The following GRID2 variants were observed in gnomAD, a reference collection of about 807,000 sequenced individuals.
GRID2 encodes glutamate receptor ionotropic, delta-2.
In GRID2, 33 loss-of-function variants were observed where a neutral mutation model predicts 114.8. The observed-to-expected ratio is 0.29, with a 90% confidence interval of 0.22 to 0.38. The LOEUF (loss-of-function observed/expected upper bound fraction) is 0.38, where lower values mean the gene tolerates loss of function less well. GRID2 is among the 10% of genes least tolerant of loss of function. The pLI is 1.00. For synonymous variants in GRID2, 505 were observed against 449.9 expected (o/e 1.12, Z -1.55); for missense variants, 1,184 against 1,257.7 (o/e 0.94, Z 0.89).
At chr4:92,712,661 C>T (rs1270434606) in intron 2 of GRID2, among the ~76,000 whole-genome samples, 1 of 151,878 alleles carries the variant, frequency 6.6e-6, no homozygotes, top group East Asian at 1.9e-4. Context: ...ACAGAATTTG[C>T]TAATATTGCT....
intron 2 of GRID2, among the ~76,000 whole-genome samples, chr4:92,735,761 T>C (rs1265903175): frequency 6.6e-6 from 1 of 152,072 alleles, no homozygotes; most frequent in Non-Finnish European, 1.5e-5. Context: ...TTTTATATCA[T>C]AAGATCTCTT....
intron 4 of GRID2, among the ~76,000 whole-genome samples, chr4:93,154,481 T>C (rs924869887): frequency 4.6e-5 from 7 of 152,058 alleles, no homozygotes; most frequent in African/African-American, 1.7e-4. Context: ...GTTAAATATT[T>C]TGAATACCAC....
intron 10 of GRID2, among the ~76,000 whole-genome samples, chr4:93,454,715 A>G (rs1417190103): frequency 6.6e-6 from 1 of 152,126 alleles, no homozygotes; most frequent in African/African-American, 2.4e-5. Context: ...CCCAAAAGCT[A>G]TAAACACAAG....
At chr4:93,486,960 T>TA (rs1365169452) in intron 11 of GRID2, among the ~76,000 whole-genome samples, 1 of 151,836 alleles carries the variant, frequency 6.6e-6, no homozygotes, top group Non-Finnish European at 1.5e-5. Context: ...CCACTGGCCT[T>TA]ACATTTTGTG....
chr4:93,360,554 A>T (rs749910996), intron 8 of GRID2, among the ~76,000 whole-genome samples: 1 of 151,944 alleles, frequency 6.6e-6, no homozygotes, highest in Non-Finnish European at 1.5e-5. Flanking sequence ...CAGTAGTTTT[A>T]AAAATATATA....
intron 2 of GRID2, among the ~76,000 whole-genome samples, chr4:92,668,969 T>C (rs970203924): frequency 2.6e-5 from 4 of 151,896 alleles, no homozygotes; most frequent in African/African-American, 7.2e-5. Flanking sequence ...TATAGCTTGA[T>C]AGTATTTGGT....
intron 11 of GRID2, among the ~76,000 whole-genome samples, chr4:93,459,328 T>C (rs1386675103): frequency 6.6e-6 from 1 of 152,174 alleles, no homozygotes; most frequent in African/African-American, 2.4e-5. Context: ...AGCCTAATTT[T>C]TTTTGAAATG....
chr4:93,549,619 A>G (rs1249664733), intron 13 of GRID2, among the ~76,000 whole-genome samples: 1 of 152,160 alleles, frequency 6.6e-6, no homozygotes, highest in Non-Finnish European at 1.5e-5. Flanking sequence ...CACCATGGAG[A>G]GAAATTTGAC....
chr4:93,606,783 A>G (rs546304225), intron 13 of GRID2, among the ~76,000 whole-genome samples: 98 of 152,312 alleles, frequency 6.4e-4, no homozygotes, highest in Non-Finnish European at 1.2e-3. Flanking sequence ...AACTATGAGC[A>G]TGTAATTATG....
In GRID2 at chr4:93,265,722, G is replaced by A. The variant is rs866538802; in HGVS notation, c.1245+27232G>A. On this transcript the variant is annotated intron_variant, in intron 8 of 15. Coordinates refer to ENST00000282020, the MANE Select transcript of GRID2 (RefSeq NM_001510.4). ...TTACTCAATTTTGGTGAATTAGTGA[G>A]TGACAGTGATTGTGGTGGTGAGTCC... 2.4e-4 allele frequency among the ~76,000 whole-genome samples: 37 copies of A among 152,272 alleles called. No homozygotes were observed. In the Middle Eastern group the frequency reaches 0.014, roughly 56 times the overall value.
intron 2 of GRID2, among the ~76,000 whole-genome samples, chr4:92,741,737 T>C (rs928668337): frequency 4.6e-5 from 7 of 152,168 alleles, no homozygotes; most frequent in African/African-American, 1.7e-4. Context: ...TTGAAATCTT[T>C]TTTCCCCTCA....
intron 1 of GRID2, among the ~76,000 whole-genome samples, chr4:92,537,784 G>GGTGTGT (rs70942907): frequency 0.026 from 3,291 of 125,924 alleles, 52 homozygotes; most frequent in South Asian, 0.032. Context: ...AAAAACTTGC[G>GGTGTGT]GTGTGTGTGT....
rs559196387 is a variant in GRID2, at chr4:92,941,099, G to T, written c.245-143896G>T. 4.6e-5 allele frequency among the ~76,000 whole-genome samples: 7 copies of T among 152,278 alleles called. No homozygotes were observed. The South Asian group carries it at 8.3e-4, about 18-fold the overall frequency. ...TGGCCTCATAAAATGAGTTAGGGAG[G>T]ATTCCATCTTTTTCTAATGATTGGA... On this transcript the variant is annotated intron_variant, in intron 2 of 15. Coordinates refer to ENST00000282020, the MANE Select transcript of GRID2 (RefSeq NM_001510.4).
chr4:92,898,975 C>G (rs1560680588), intron 2 of GRID2, among the ~76,000 whole-genome samples: 1 of 152,004 alleles, frequency 6.6e-6, no homozygotes, highest in African/African-American at 2.4e-5. Flanking sequence ...CACAACATAA[C>G]ATTATAGCTG....
At chr4:92,830,099 G>GAA (rs879405717) in intron 2 of GRID2, among the ~76,000 whole-genome samples, 1 of 126,636 alleles carries the variant, frequency 7.9e-6, no homozygotes, top group African/African-American at 2.9e-5. Flanking sequence ...AAATAAAATT[G>GAA]AAAAAAAAAA....
At chr4:93,707,480 G>T (rs1728108163) in intron 14 of GRID2, among the ~76,000 whole-genome samples, 2 of 151,918 alleles carry the variant, frequency 1.3e-5, no homozygotes, top group African/African-American at 2.4e-5. Flanking sequence ...TTTCCAATTT[G>T]TTGGCATATA....
intron 1 of GRID2, among the ~76,000 whole-genome samples, chr4:92,318,257 TG>T (rs1726103112): frequency 6.7e-6 from 1 of 149,360 alleles, no homozygotes; most frequent in African/African-American, 2.4e-5. Flanking sequence ...TTAAGTTGGG[TG>T]GTTGTTTCAC....
In GRID2 at chr4:93,427,946, T is replaced by C. The variant is rs181947031; in HGVS notation, c.1545+4978T>C. 1.8e-3 allele frequency among the ~76,000 whole-genome samples: 271 copies of C among 152,144 alleles called. 1 individual carries two copies. Among genetic ancestry groups the C allele is most frequent in the Non-Finnish European group, 3.1e-3 (208 of 67,902 alleles). ...GGGTGAGTTAATGTAACTGAGAAAT[T>C]ATTTTCTCCTAGTTTAGAAGGGAAG... On this transcript the variant is annotated intron_variant, in intron 10 of 15. Coordinates refer to ENST00000282020, the MANE Select transcript of GRID2 (RefSeq NM_001510.4).
intron 13 of GRID2, among the ~76,000 whole-genome samples, chr4:93,532,245 T>C (rs1445472101): frequency 6.6e-6 from 1 of 152,118 alleles, no homozygotes; most frequent in East Asian, 1.9e-4. Flanking sequence ...TGTCTGGGGT[T>C]TTTTAACATT....
Sources: allele counts gnomAD v4.1 joint callset (sites outside exome capture counted in the v4.1 genomes callset), GRCh38; gene constraint gnomAD v4.1.1; transcripts MANE v1.5; gene names NCBI Gene and HGNC (gene_info 2026-07-23, HGNC 2026-07-21).